Variants in ZNF875 observed in about 807,000 individuals in gnomAD.
ZNF875 encodes the protein zinc finger protein 875, also known as HKR1, GLI-Kruppel zinc finger family member.
Under a neutral mutation model 11.2 loss-of-function variants are expected in ZNF875, and 14 were observed. The ratio of observed to expected loss-of-function variants is 1.26; its 90% CI spans 0.83 to 1.96. ZNF875 has a LOEUF of 1.96. Among genes scored for constraint, ZNF875 ranks in the 30% most tolerant of loss-of-function variants. The pLI is 0.00. For synonymous variants in ZNF875, 301 were observed against 281.1 expected (o/e 1.07, Z -0.71); for missense variants, 752 against 760.4 (o/e 0.99, Z 0.13).
intron 4 of ZNF875, among the ~76,000 whole-genome samples, chr19:37,326,707 G>A (rs183507289): frequency 4.3e-5 from 5 of 116,360 alleles, no homozygotes; most frequent in Non-Finnish European, 6.4e-5. Context: ...TCGCTCTGTC[G>A]CCCAGACTGG....
At chr19:37,317,619 T>C (rs564101517), upstream of ZNF875, among the ~76,000 whole-genome samples, 4 of 152,344 alleles carry the variant, frequency 2.6e-5, no homozygotes, top group East Asian at 7.7e-4. Flanking sequence ...CAACTATTAC[T>C]GCAAAGTTTT....
At chr19:37,356,990 T>C (rs1470110350) in intron 4 of ZNF875, among the ~76,000 whole-genome samples, 1 of 152,136 alleles carries the variant, frequency 6.6e-6, no homozygotes, top group African/African-American at 2.4e-5. Context: ...CCATCTTGAG[T>C]TGATTTGTGT....
Position 37,334,762 on chromosome 19 carries a change from C to G in ZNF875, c.-77C>G, listed in dbSNP as rs754922136. On this transcript the variant is annotated 5_prime_UTR_variant, in exon 1 of 5. Coordinates refer to ENST00000392153, the MANE Select transcript of ZNF875 (RefSeq NM_001353803.2). Reference sequence around the variant, plus strand: ...TTACCTGACTTTCGGCTTCAGGATCCGCAGCGTGCACCCGCGTTCCGTGAG... The same window carrying G: ...TTACCTGACTTTCGGCTTCAGGATCGGCAGCGTGCACCCGCGTTCCGTGAG... The G allele has an allele frequency of 4.4e-6, 2 of 456,368 alleles. No individual in the cohort carries two copies. The highest frequency in any genetic ancestry group is 8.8e-6 in the Non-Finnish European group (2 of 226,982). The allele number at this position is 456,368 out of a possible 1,614,324, so 28.3% of individuals were successfully genotyped here.
intron 4 of ZNF875, among the ~76,000 whole-genome samples, chr19:37,349,786 C>T (rs60346583): frequency 0.02 from 3,071 of 152,038 alleles, 101 homozygotes; most frequent in African/African-American, 0.07. Context: ...TCCTGAATAG[C>T]GGGGACTACA....
chr19:37,347,167 C>T (rs1175400855), intron 2 of ZNF875, 23 bp from the exon 3 acceptor site: 37 of 1,613,446 alleles, frequency 2.3e-5, no homozygotes, highest in Non-Finnish European at 2.8e-5. Context: ...CCTGGGTGAG[C>T]AGAGGTGTGT....
chr19:37,347,850 A>G lies in ZNF875; in HGVS notation c.234A>G (p.Lys78=), dbSNP rs752862578. The part of the protein sequence containing the change: ...RGEAPWREER[K]CPLDLCPESK... ...AAGCGCCCTGGAGAGAGGAGAGAAAATGTCCACTGGACCTCTGTCCAGGTG... is the reference window on the plus strand; with the variant it reads ...AAGCGCCCTGGAGAGAGGAGAGAAAGTGTCCACTGGACCTCTGTCCAGGTG... The change falls in exon 4 of 5, where the codon AAA becomes AAG. Residue 78 remains lysine, a synonymous_variant. Coordinates refer to ENST00000392153, the MANE Select transcript of ZNF875 (RefSeq NM_001353803.2). 7 of 1,608,602 alleles carry G rather than the reference A, an allele frequency of 4.4e-6. No homozygotes were observed. The highest frequency in any genetic ancestry group is 6.0e-6 in the Non-Finnish European group (7 of 1,175,020).
chr19:37,319,590 C>A (rs1169417667), intron 1 of ZNF875, among the ~76,000 whole-genome samples: 1 of 151,880 alleles, frequency 6.6e-6, no homozygotes, highest in Non-Finnish European at 1.5e-5. Flanking sequence ...GACATTGTTA[C>A]TAAAATTAAG....
chr19:37,363,330 T>G lies in ZNF875; in HGVS notation c.1478T>G (p.Leu493Arg), dbSNP rs1340247938. The G allele has an allele frequency of 6.2e-7, 1 of 1,610,936 alleles. No homozygotes were observed. The highest frequency in any genetic ancestry group is 1.3e-5 in the African/African-American group (1 of 74,916). Residue 493 changes from leucine to arginine, a missense_variant, in exon 5 of 5, where the codon CTG becomes CGG. Leu to Arg is a moderately radical substitution (Grantham distance 102). Coordinates refer to ENST00000392153, the MANE Select transcript of ZNF875 (RefSeq NM_001353803.2). ...CGAGGCTTTACCCGGAAATCAACCCTGAGCACGCACCAGAGGACACACTCA... is the reference window on the plus strand; with the variant it reads ...CGAGGCTTTACCCGGAAATCAACCCGGAGCACGCACCAGAGGACACACTCA... ...CGRGFTRKST[L>R]STHQRTHSGE...
intron 4 of ZNF875, among the ~76,000 whole-genome samples, chr19:37,351,906 C>T (rs1378436209): frequency 6.6e-6 from 1 of 152,132 alleles, no homozygotes; most frequent in Non-Finnish European, 1.5e-5. Flanking sequence ...AGGGTACTAT[C>T]CTATAAATGT....
intron 1 of ZNF875, among the ~76,000 whole-genome samples, chr19:37,321,038 C>T (rs1261255942): frequency 2.0e-5 from 3 of 152,158 alleles, no homozygotes; most frequent in African/African-American, 7.2e-5. Flanking sequence ...TAAAAGTCAT[C>T]ACCACTCCCT....
At chr19:37,343,948 G>A (rs373833143) in intron 2 of ZNF875, among the ~76,000 whole-genome samples, 8 of 152,182 alleles carry the variant, frequency 5.3e-5, no homozygotes, top group African/African-American at 1.9e-4. Flanking sequence ...TGCACTTTGG[G>A]GTTGGTCCTT....
chr19:37,332,010 C>T (rs1490898234), upstream of ZNF875, among the ~76,000 whole-genome samples: 2 of 121,056 alleles, frequency 1.7e-5, no homozygotes, highest in African/African-American at 5.8e-5. Context: ...GACCTGCGGG[C>T]AGCAATACTG....
intron 4 of ZNF875, among the ~76,000 whole-genome samples, chr19:37,325,257 C>T (rs959023865): frequency 2.0e-5 from 3 of 152,126 alleles, no homozygotes; most frequent in African/African-American, 7.2e-5. Flanking sequence ...CCTGGGTTCC[C>T]GCTGTCAGCA....
In ZNF875 at chr19:37,363,304, G is replaced by A. The variant is rs752330599; in HGVS notation, c.1452G>A (p.Gly484=). The A allele has an allele frequency of 2.9e-5, 47 of 1,611,008 alleles. 1 individual carries two copies. The highest frequency in any genetic ancestry group is 2.6e-4 in the South Asian group (24 of 90,762). ...AGCCATTTGTATGTACGGAGTGTGGGCGAGGCTTTACCCGGAAATCAACCC... is the reference window on the plus strand; with the variant it reads ...AGCCATTTGTATGTACGGAGTGTGGACGAGGCTTTACCCGGAAATCAACCC... ...GEKPFVCTEC[G]RGFTRKSTLS... is the part of the protein sequence containing the mutation. The change falls in exon 5 of 5, where the codon GGG becomes GGA. Residue 484 remains glycine (G), a synonymous_variant. Transcript: ENST00000392153.
At position 37,362,202 on chromosome 19, in the gene ZNF875, C is replaced by T. The variant is rs199540276; in HGVS notation, c.350C>T (p.Ser117Phe). The T allele has an allele frequency of 9.3e-6, 15 of 1,614,030 alleles. No individual in the cohort carries two copies. The highest frequency in any genetic ancestry group is 1.3e-5 in the African/African-American group (1 of 74,936). The change falls in exon 5 of 5, where the codon TCT (serine) becomes TTT (phenylalanine). Residue 117 changes from serine to phenylalanine, a missense_variant. Physicochemically the swap from Ser to Phe is radical, Grantham distance 155. Transcript: ENST00000392153. ...CAACATGTGTGGCTGAGTCATCTCT[C>T]TCAGCTGTTTTCAAGTTTATGGGCA... is the stretch of plus-strand genomic sequence containing the variant. ...LSQHVWLSHL[S>F]QLFSSLWAGN...
chr19:37,363,615 A>G lies in ZNF875; in HGVS notation c.1763A>G (p.His588Arg), dbSNP rs776165881. The G allele has an allele frequency of 9.3e-6, 15 of 1,607,298 alleles. No individual in the cohort carries two copies. In the Admixed American group the frequency reaches 2.2e-4, roughly 23 times the overall value. The change falls in exon 5 of 5, where the codon CAT becomes CGT. Residue 588 changes from histidine to arginine, a missense_variant. Transcript: ENST00000392153. ...HQRAHAGGKP[H>R]VCRECGQGFS... The stretch of plus-strand genomic sequence containing the variant: ...AGAGCACACGCAGGGGGGAAGCCTC[A>G]TGTGTGCAGGGAGTGTGGGCAAGGC...
chr19:37,338,312 G>C (rs1183838039), intron 2 of ZNF875, among the ~76,000 whole-genome samples: 1 of 152,058 alleles, frequency 6.6e-6, no homozygotes, highest in Non-Finnish European at 1.5e-5. Flanking sequence ...TAGTAGAGAT[G>C]GGGTTTCGCC....
At chr19:37,312,953 G>C (rs1283381777), upstream of ZNF875, 1 of 152,164 alleles carries the variant, frequency 6.6e-6, no homozygotes, top group Non-Finnish European at 1.5e-5. Flanking sequence ...GAGCGCTCCT[G>C]TGTCTTTCTT....
In ZNF875 at chr19:37,363,172, C is replaced by G; in HGVS notation, c.1320C>G (p.His440Gln). 6.2e-7 allele frequency: 1 copy of G among 1,612,612 alleles called. No homozygotes were observed. Among genetic ancestry groups the G allele is most frequent in the Non-Finnish European group, 8.5e-7 (1 of 1,179,590 alleles). Reference protein sequence around the residue: ...HFSWKSNLKTHQRTHSGVKPY... With the variant: ...HFSWKSNLKTQQRTHSGVKPY... The stretch of plus-strand genomic sequence containing the variant: ...GCTGGAAATCAAACCTCAAAACACA[C>G]CAGAGGACACACTCAGGGGTTAAAC... The change falls in exon 5 of 5, where the codon CAC becomes CAG. Residue 440 changes from histidine (H) to glutamine (Q), a missense_variant. Physicochemically the swap from His to Gln is conservative, Grantham distance 24. Transcript: ENST00000392153.
Sources: gnomAD v4.1 joint callset for allele counts (sites outside exome capture counted in the v4.1 genomes callset) on GRCh38, gnomAD v4.1.1 for gene constraint, MANE v1.5 for transcripts, NCBI Gene and HGNC (gene_info 2026-07-23, HGNC 2026-07-21) for gene names.